The following USP38 variants were observed in gnomAD, a reference collection of about 807,000 sequenced individuals.
The protein encoded by USP38 is ubiquitin carboxyl-terminal hydrolase 38.
Under a neutral mutation model 94.3 loss-of-function variants are expected in USP38, and 49 were observed. The ratio of observed to expected loss-of-function variants is 0.52; its 90% CI spans 0.41 to 0.66. The LOEUF (loss-of-function observed/expected upper bound fraction) is 0.66, where lower values mean the gene tolerates loss of function less well. Among genes scored for constraint, USP38 ranks in the 30% least tolerant of loss-of-function variants. USP38 has a pLI of 0.00. For synonymous variants in USP38, 468 were observed against 463.6 expected, an observed-to-expected ratio of 1.01 and a Z score of -0.12; for missense variants, 1,128 against 1,229.4, an observed-to-expected ratio of 0.92 and a Z score of 1.23.
rs72721006 is a variant in USP38, at chr4:143,210,110, A to T, written c.1497+453A>T. On this transcript the variant is annotated intron_variant, in intron 7 of 9. Coordinates refer to ENST00000307017, the MANE Select transcript of USP38 (RefSeq NM_032557.6). ...GTATACCTATTCATTATAACTAAAG[A>T]TCTCTGCAGTTCTGTTTATCTGTTA... Among the ~76,000 whole-genome samples, 915 of 152,230 alleles carry T rather than the reference A, an allele frequency of 6.0e-3. 6 individuals carry two copies. The highest frequency in any genetic ancestry group is 0.011 in the South Asian group (52 of 4,814).
At chr4:143,201,978 G>A (rs1731728111) in intron 4 of USP38, among the ~76,000 whole-genome samples, 1 of 152,062 alleles carries the variant, frequency 6.6e-6, no homozygotes, top group Non-Finnish European at 1.5e-5. Flanking sequence ...CATATAACCT[G>A]ATTACAAAGA....
At chr4:143,201,260 G>A (rs570251959) in intron 4 of USP38, among the ~76,000 whole-genome samples, 2 of 152,284 alleles carry the variant, frequency 1.3e-5, no homozygotes, top group African/African-American at 4.8e-5. Context: ...TGACAAAGCT[G>A]TCAAAACAAG....
chr4:143,186,139 GT>G lies in USP38; in HGVS notation c.682+8del, dbSNP rs1290064529. ...GCAAGCATCTCTTCCACAGGTAAGG[GT>G]CATTATCTTTCAGAATATCTCATAA... On this transcript the variant is annotated splice_region_variant and intron_variant, in intron 1 of 9. Transcript: ENST00000307017. 6 of 1,611,564 alleles carry G rather than the reference GT, an allele frequency of 3.7e-6. No individual in the cohort carries two copies. Among genetic ancestry groups the G allele is most frequent in the Non-Finnish European group, 5.1e-6 (6 of 1,178,400 alleles).
rs564327649 is a variant in USP38, at chr4:143,209,404, C to T, written c.1404-160C>T. Among the ~76,000 whole-genome samples the T allele has an allele frequency of 7.9e-5, 12 of 151,136 alleles. No individual in the cohort carries two copies. In the South Asian group the frequency reaches 8.4e-4, roughly 11 times the overall value. On this transcript the variant is annotated intron_variant, in intron 6 of 9. Transcript: ENST00000307017. ...CTGTAATTCCAGCACTTTGGGAGGC[C>T]GAGGTGGGTGGATCATTTGAGGTTT...
At position 143,185,235 on chromosome 4, in the gene USP38, G is replaced by T. The variant is rs999787479; in HGVS notation, c.-216G>T. On this transcript the variant is annotated 5_prime_UTR_variant, in exon 1 of 10. Coordinates refer to ENST00000307017, the MANE Select transcript of USP38 (RefSeq NM_032557.6). ...GCGCCTTAGGCCAGCCGCAGGTGTC[G>T]GTTCTTAGGCTCTCCAGGCTCGCTA... The T allele has an allele frequency of 7.4e-6, 4 of 539,860 alleles. No homozygotes were observed. In the South Asian group the frequency reaches 8.4e-5, roughly 11 times the overall value. 33.4% of individuals were successfully genotyped at this position (539,860 alleles called of 1,614,324 possible).
At chr4:143,186,221 C>T (rs1027006109) in intron 1 of USP38, 89 bp downstream of exon 1, 5 of 1,359,460 alleles carry the variant, frequency 3.7e-6, no homozygotes, top group Non-Finnish European at 5.1e-6. Context: ...TTTCCTCCTG[C>T]CCTAAAAACA....
At chr4:143,187,548 AAT>A (rs1731265076) in intron 1 of USP38, among the ~76,000 whole-genome samples, 1 of 152,228 alleles carries the variant, frequency 6.6e-6, no homozygotes, top group Non-Finnish European at 1.5e-5. Flanking sequence ...TAACTCGATA[AAT>A]TATGAAAAAT....
rs1731164403 is a variant in USP38 at position 143,185,058 on chromosome 4, C to G, written c.-393C>G. The G allele has an allele frequency of 5.4e-6, 1 of 184,126 alleles. No homozygotes were observed. The highest frequency in any genetic ancestry group is 2.4e-5 in the African/African-American group (1 of 41,994). The allele number at this position is 184,126 out of a possible 1,614,324, so 11.4% of individuals were successfully genotyped here. On this transcript the variant is annotated 5_prime_UTR_variant, in exon 1 of 10. Transcript: ENST00000307017. ...CTGGAGACTGGACGCCCACACCTGA[C>G]CCGGAACTCGGAGGCGTGCTTCCTC...
Position 143,214,702 on chromosome 4 carries a change from T to C in USP38, c.2726T>C (p.Met909Thr). 1 of 1,613,720 alleles carries C rather than the reference T, an allele frequency of 6.2e-7. No individual in the cohort carries two copies. The highest frequency in any genetic ancestry group is 1.1e-5 in the South Asian group (1 of 91,074). Residue 909 changes from methionine (M) to threonine (T), a missense_variant, in exon 9 of 10, where the codon ATG becomes ACG. Coordinates refer to ENST00000307017, the MANE Select transcript of USP38 (RefSeq NM_032557.6). ...VFEQDLENKE[M>T]SKEWFLFNDS... is the part of the protein sequence containing the mutation. ...GAACAGGATTTGGAAAATAAGGAAA[T>C]GTCAAAAGAATGGTTTTTATTTAAT...
rs527876223 is a variant in USP38 at position 143,193,437 on chromosome 4, C to G, written c.819-2279C>G. On this transcript the variant is annotated intron_variant, in intron 2 of 9. Transcript: ENST00000307017. The stretch of plus-strand genomic sequence containing the variant: ...AGTGAATACCCTCTGTACACATATG[C>G]AAGTGTGTCTCTGCTTTGCTACTCT... 2.6e-5 allele frequency among the ~76,000 whole-genome samples: 4 copies of G among 152,280 alleles called. No individual in the cohort carries two copies. In the South Asian group the frequency reaches 8.3e-4, roughly 32 times the overall value.
At position 143,185,898 on chromosome 4, in the gene USP38, C is replaced by G. The variant is rs866541770; in HGVS notation, c.448C>G (p.Leu150Val). The G allele has an allele frequency of 6.2e-7, 1 of 1,614,080 alleles. No individual in the cohort carries two copies. The highest frequency in any genetic ancestry group is 1.3e-5 in the African/African-American group (1 of 74,938). The change falls in exon 1 of 10, where the codon CTT becomes GTT. Residue 150 changes from leucine to valine, a missense_variant. Transcript: ENST00000307017. The part of the protein sequence containing the change: ...EPQLCARLSD[L>V]LTDFVQCIPK... ...GCAGCTCTGTGCCCGACTGAGCGACCTTCTGACCGACTTTGTGCAATGCAT... is the reference window on the plus strand; with the variant it reads ...GCAGCTCTGTGCCCGACTGAGCGACGTTCTGACCGACTTTGTGCAATGCAT...
At position 143,206,219 on chromosome 4, in the gene USP38, G is replaced by T; in HGVS notation, c.1396G>T (p.Ala466Ser). 6.3e-7 allele frequency: 1 copy of T among 1,584,698 alleles called. No homozygotes were observed. The highest frequency in any genetic ancestry group is 8.6e-7 in the Non-Finnish European group (1 of 1,168,058). ...MNSVIQALFM[A>S]TDFRRQVLSL... Reference sequence around the variant, plus strand: ...CAGTGTTATACAAGCCTTGTTTATGGCCACAGAGTAAGTTTAAACTTGAAT... The same window carrying T: ...CAGTGTTATACAAGCCTTGTTTATGTCCACAGAGTAAGTTTAAACTTGAAT... The change falls in exon 6 of 10, where the codon GCC (alanine) becomes TCC (serine). Residue 466 changes from alanine (A) to serine (S), a missense_variant. Ala to Ser is a moderately conservative substitution (Grantham distance 99). Coordinates refer to ENST00000307017, the MANE Select transcript of USP38 (RefSeq NM_032557.6).
intron 7 of USP38, among the ~76,000 whole-genome samples, chr4:143,210,832 T>G (rs1732004185): frequency 1.3e-5 from 2 of 151,972 alleles, no homozygotes; most frequent in African/African-American, 2.4e-5. Flanking sequence ...CTGAGAAATA[T>G]CTCAAATATA....
Position 143,187,737 on chromosome 4 carries a change from A to C in USP38, c.683-89A>C. 7 of 1,391,726 alleles carry C rather than the reference A, an allele frequency of 5.0e-6. No homozygotes were observed. In the South Asian group the frequency reaches 1.0e-4, roughly 20 times the overall value. The allele number at this position is 1,391,726 out of a possible 1,614,324, so 86.2% of individuals were successfully genotyped here. On this transcript the variant is annotated intron_variant, in intron 1 of 9. Transcript: ENST00000307017. ...CCTTCCTAGTTAACACCTTTGCTGC[A>C]ATGACTTTTTTTTTTTGTAAAGTGT...
rs1245171563 is a variant in USP38 at position 143,203,571 on chromosome 4, G to A, written c.1209+5G>A. The A allele has an allele frequency of 1.2e-6, 2 of 1,605,120 alleles. No individual in the cohort carries two copies. Among genetic ancestry groups the A allele is most frequent in the Admixed American group, 3.4e-5 (2 of 58,334 alleles). ...CCTATTCTGGAGGCAATAAAGGTAT[G>A]ATGATAGTTGTACCAATATTTGTGG... On this transcript the variant is annotated splice_donor_5th_base_variant and intron_variant, in intron 5 of 9. Transcript: ENST00000307017.
chr4:143,197,849 T>A lies in USP38; in HGVS notation c.975T>A (p.Leu325=). Residue 325 remains leucine, a synonymous_variant, in exon 4 of 10, where the codon CTT becomes CTA. Transcript: ENST00000307017. ...ELVFNRLWFP[L]VRPGALAVLS... is the part of the protein sequence containing the mutation. ...TTTTTAATCGACTTTGGTTTCCTCT[T>A]GTGAGACCTGGTGCTCTTGCAGTTC... is the stretch of plus-strand genomic sequence containing the variant. 1.2e-6 allele frequency: 2 copies of A among 1,613,894 alleles called. No individual in the cohort carries two copies. The highest frequency in any genetic ancestry group is 1.7e-6 in the Non-Finnish European group (2 of 1,179,864).
At position 143,187,360 on chromosome 4, in the gene USP38, A is replaced by G. The variant is rs111477442; in HGVS notation, c.683-466A>G. Among the ~76,000 whole-genome samples the G allele has an allele frequency of 4.4e-3, 663 of 152,136 alleles. 6 individuals carry two copies. The highest frequency in any genetic ancestry group is 0.015 in the African/African-American group (632 of 41,488). On this transcript the variant is annotated intron_variant, in intron 1 of 9. Transcript: ENST00000307017. The stretch of plus-strand genomic sequence containing the variant: ...TGAAATGATACTTAAGTGCCCCCAA[A>G]AGTCACCTTCATTTCTACTTTAAGA...
chr4:143,190,847 G>A (rs968754113), intron 2 of USP38, among the ~76,000 whole-genome samples: 1 of 152,006 alleles, frequency 6.6e-6, no homozygotes. Context: ...ACATTGTAGT[G>A]ACTTCCACTA....
chr4:143,203,359 G>A (rs777293167), intron 4 of USP38, 49 bp from the exon 5 acceptor site: 1 of 1,558,458 alleles, frequency 6.4e-7, no homozygotes, highest in South Asian at 1.2e-5. Flanking sequence ...TAGAGAATGT[G>A]TTACCAATTT....
Sources: allele counts gnomAD v4.1 joint callset (sites outside exome capture counted in the v4.1 genomes callset), GRCh38; gene constraint gnomAD v4.1.1; transcripts MANE v1.5; gene names NCBI Gene and HGNC (gene_info 2026-07-23, HGNC 2026-07-21).